ADGRL2: variants seen among roughly 807,000 people sequenced by gnomAD.
ADGRL2 encodes the protein calcium-independent alpha-latrotoxin receptor 2.
In ADGRL2, 44 loss-of-function variants were observed where a neutral mutation model predicts 157.4. The ratio of observed to expected loss-of-function variants is 0.28; its 90% confidence interval spans 0.22 to 0.36. The LOEUF is 0.36. ADGRL2 is among the 10% of genes least tolerant of loss of function. ADGRL2 has a pLI of 1.00. For missense variants in ADGRL2, 1,510 were observed against 1,768.9 expected, an observed-to-expected ratio of 0.85 and a Z score of 2.63; for synonymous variants, 585 against 624.7, an observed-to-expected ratio of 0.94 and a Z score of 0.95.
At chr1:81,954,698 G>C (rs941155651) in intron 10 of ADGRL2, among the ~76,000 whole-genome samples, 1 of 152,136 alleles carries the variant, frequency 6.6e-6, no homozygotes, top group Non-Finnish European at 1.5e-5. Flanking sequence ...AGCCTTTAAC[G>C]CCACTTGGAA....
chr1:81,685,341 G>A (rs1470297018), intron 3 of ADGRL2, among the ~76,000 whole-genome samples: 1 of 151,512 alleles, frequency 6.6e-6, no homozygotes, highest in African/African-American at 2.4e-5. Context: ...TTCTTGTAGA[G>A]GTCTTTCGAC....
chr1:81,611,346 C>T (rs11163337), intron 3 of ADGRL2, among the ~76,000 whole-genome samples: 29,263 of 152,126 alleles, frequency 0.19, 3,056 homozygotes, highest in East Asian at 0.34. Flanking sequence ...AGTCTCAGTT[C>T]TCTCATTTGT....
Position 81,880,674 on chromosome 1 carries a change from C to T in ADGRL2, c.74-26343C>T, listed in dbSNP as rs534352567. On this transcript the variant is annotated intron_variant, in intron 2 of 23. Transcript: ENST00000686636. ...ATTTCTTCTCCCTCCCACCGCCCCC[C>T]GCCCCATTCCGTCCAGTGCACACGC... 1.2e-4 allele frequency among the ~76,000 whole-genome samples: 18 copies of T among 152,108 alleles called. No homozygotes were observed. The South Asian group carries it at 3.1e-3, about 26-fold the overall frequency.
chr1:81,884,952 CT>C (rs1345694970), intron 2 of ADGRL2, among the ~76,000 whole-genome samples: 1 of 151,878 alleles, frequency 6.6e-6, no homozygotes, highest in Non-Finnish European at 1.5e-5. Context: ...TGAAGGAGGA[CT>C]TTTGAAAACA....
At chr1:81,746,928 A>G (rs1183043457) in intron 1 of ADGRL2, among the ~76,000 whole-genome samples, 1 of 148,926 alleles carries the variant, frequency 6.7e-6, no homozygotes, top group African/African-American at 2.5e-5. Flanking sequence ...ATATACGTAT[A>G]TACACACGTA....
At chr1:81,341,658 A>G (rs1662083641) in intron 1 of ADGRL2, among the ~76,000 whole-genome samples, 1 of 152,078 alleles carries the variant, frequency 6.6e-6, no homozygotes, top group African/African-American at 2.4e-5. Context: ...AATGGAAGTG[A>G]TACTTAACGT....
chr1:81,784,419 G>A (rs1378920696), intron 2 of ADGRL2, among the ~76,000 whole-genome samples: 1 of 152,154 alleles, frequency 6.6e-6, no homozygotes, highest in Admixed American at 6.5e-5. Context: ...AAAGATTACA[G>A]CTATGAATAG....
At chr1:81,728,493 T>G (rs2084614047) in intron 1 of ADGRL2, among the ~76,000 whole-genome samples, 1 of 152,164 alleles carries the variant, frequency 6.6e-6, no homozygotes, top group Non-Finnish European at 1.5e-5. Flanking sequence ...AATATTTAGC[T>G]CTCTCTATTC....
chr1:81,943,219 T>C lies in ADGRL2; in HGVS notation c.660T>C (p.Asp220=), dbSNP rs757278542. Reference sequence around the variant, plus strand: ...ATGGTACTGGATTTGTGGTGTATGATGGTGCTGTCTTCTTTAACAAAGAAA... The same window carrying C: ...ATGGTACTGGATTTGTGGTGTATGACGGTGCTGTCTTCTTTAACAAAGAAA... ...RVDGTGFVVY[D]GAVFFNKERT... Residue 220 remains aspartate (D), a synonymous_variant, in exon 6 of 24, where the codon GAT becomes GAC. Coordinates refer to ENST00000686636, the MANE Select transcript of ADGRL2 (RefSeq NM_001366006.2). This position sits in a 1 kb window ranked among gnomAD's most constrained non-coding sequence, Gnocchi z 5.6. The C allele has an allele frequency of 2.5e-6, 4 of 1,613,516 alleles. No individual in the cohort carries two copies. Among genetic ancestry groups the C allele is most frequent in the Non-Finnish European group, 3.4e-6 (4 of 1,179,674 alleles).
intron 3 of ADGRL2, among the ~76,000 whole-genome samples, chr1:81,932,824 G>A (rs1427816658): frequency 6.6e-6 from 1 of 152,120 alleles, no homozygotes; most frequent in African/African-American, 2.4e-5. Flanking sequence ...CTCCCGAGTA[G>A]CTGGGATTGC....
At chr1:81,715,158 T>C (rs1050122599) in intron 1 of ADGRL2, among the ~76,000 whole-genome samples, 5 of 144,756 alleles carry the variant, frequency 3.5e-5, no homozygotes, top group African/African-American at 1.3e-4. Flanking sequence ...ATTTATTTTC[T>C]AGAGGAAGCT....
At chr1:81,967,911 T>C (rs911353383) in intron 13 of ADGRL2, 115 bp from the exon 14 acceptor site, 138 of 858,064 alleles carry the variant, frequency 1.6e-4, no homozygotes, top group Admixed American at 6.6e-4. Flanking sequence ...TGAAAAACTT[T>C]ATAGTCTGAA....
intron 1 of ADGRL2, among the ~76,000 whole-genome samples, chr1:81,397,313 C>CTT (rs59449077): frequency 0.021 from 1,150 of 53,636 alleles, 92 homozygotes; most frequent in African/African-American, 0.069. Flanking sequence ...ATAATGTCTC[C>CTT]TTTTTTTTTT....
chr1:81,603,560 G>A (rs1309573022), intron 3 of ADGRL2, among the ~76,000 whole-genome samples: 3 of 152,166 alleles, frequency 2.0e-5, no homozygotes, highest in African/African-American at 7.2e-5. Flanking sequence ...TTTTAAAACT[G>A]CAAACTTTTA....
chr1:81,657,797 A>G (rs775288604), intron 3 of ADGRL2, among the ~76,000 whole-genome samples: 3 of 152,230 alleles, frequency 2.0e-5, no homozygotes, highest in East Asian at 1.9e-4. Context: ...TACAGGATAC[A>G]TCCAAAAATC....
intron 1 of ADGRL2, among the ~76,000 whole-genome samples, chr1:81,738,641 CT>C (rs1159101708): frequency 1.3e-5 from 2 of 152,152 alleles, no homozygotes; most frequent in Non-Finnish European, 2.9e-5. Context: ...GTGGGGTATC[CT>C]TTTTTCTGTT....
chr1:81,654,285 T>C (rs60513083), intron 3 of ADGRL2, among the ~76,000 whole-genome samples: 1,693 of 152,288 alleles, frequency 0.011, 18 homozygotes, highest in South Asian at 0.04. Context: ...ATTAATGACA[T>C]CAGCAGTGTT....
intron 2 of ADGRL2, among the ~76,000 whole-genome samples, chr1:81,885,340 A>G (rs777557822): frequency 2.0e-5 from 3 of 152,196 alleles, no homozygotes; most frequent in Non-Finnish European, 2.9e-5. Context: ...AAAAATGTTT[A>G]ACTTTAGACA....
intron 17 of ADGRL2, 72 bp downstream of exon 17, chr1:81,971,990 G>A (rs1572445303): frequency 1.2e-5 from 6 of 481,016 alleles, no homozygotes; most frequent in Admixed American, 5.0e-5. Flanking sequence ...AGGATAATTT[G>A]TTTTATTGTT....
Sources: allele counts gnomAD v4.1 joint callset (sites outside exome capture counted in the v4.1 genomes callset), GRCh38; gene constraint gnomAD v4.1.1; non-coding constraint Gnocchi (gnomAD v3.1); transcripts MANE v1.5; gene names NCBI Gene and HGNC (gene_info 2026-07-23, HGNC 2026-07-21).